The following TXNRD1 variants were observed in gnomAD, a reference collection of about 807,000 sequenced individuals.
TXNRD1 encodes thioredoxin reductase 1, cytoplasmic.
TXNRD1 carries 57 observed loss-of-function variants against 80.3 expected under a neutral mutation model. That is an observed-to-expected ratio of 0.71 (90% CI 0.57 to 0.89). The LOEUF (loss-of-function observed/expected upper bound fraction) is 0.89, where lower values mean the gene tolerates loss of function less well. Ranked by LOEUF, TXNRD1 falls within the 40% of genes least tolerant of loss-of-function variation. The pLI is 0.00. For missense variants in TXNRD1, 730 were observed against 803.0 expected (o/e 0.91, Z 1.10); for synonymous variants, 291 against 285.2 (o/e 1.02, Z -0.20).
At chr12:104,328,329 A>G (rs889162671) in intron 13 of TXNRD1, among the ~76,000 whole-genome samples, 2 of 152,182 alleles carry the variant, frequency 1.3e-5, no homozygotes, top group African/African-American at 4.8e-5. Flanking sequence ...CATTACCAGT[A>G]TAAATAAAAT....
chr12:104,265,176 C>T lies in TXNRD1; in HGVS notation c.304+7097C>T, dbSNP rs1403799269. ...CTGAGGCAGGAGAATCGCTTGAACC[C>T]GGGAGGTGGAGGTTGCAGTGAGCTG... On this transcript the variant is annotated intron_variant, in intron 3 of 16. Coordinates refer to ENST00000525566, the MANE Select transcript of TXNRD1 (RefSeq NM_001093771.3). The T allele has an allele frequency of 7.4e-6, 6 of 807,894 alleles. No homozygotes were observed. In the East Asian group the frequency reaches 1.1e-4, roughly 14 times the overall value. 50.0% of individuals were successfully genotyped at this position (807,894 alleles called of 1,614,324 possible).
chr12:104,302,078 T>C (rs761227855), intron 4 of TXNRD1, among the ~76,000 whole-genome samples: 4 of 152,230 alleles, frequency 2.6e-5, no homozygotes, highest in Non-Finnish European at 5.9e-5. Context: ...GCTTTTGTTT[T>C]TGAGAAGCCA....
chr12:104,256,342 T>C (rs976476387), intron 2 of TXNRD1, among the ~76,000 whole-genome samples: 1 of 152,244 alleles, frequency 6.6e-6, no homozygotes, highest in Admixed American at 6.5e-5. Flanking sequence ...TGCATCTTGC[T>C]GTGAAGAGGT....
chr12:104,334,636 C>T (rs1011332932), intron 15 of TXNRD1, among the ~76,000 whole-genome samples: 4 of 152,202 alleles, frequency 2.6e-5, no homozygotes, highest in Non-Finnish European at 4.4e-5. Context: ...TCCCAAGGTG[C>T]TGGAATGTAC....
chr12:104,239,708 C>A (rs2032819076), intron 1 of TXNRD1, among the ~76,000 whole-genome samples: 1 of 152,108 alleles, frequency 6.6e-6, no homozygotes, highest in Middle Eastern at 3.2e-3. Context: ...GTCTCCAACT[C>A]CTAGCCTCAG....
At chr12:104,345,879 C>T in intron 16 of TXNRD1, 2 of 1,026,528 alleles carry the variant, frequency 1.9e-6, no homozygotes, top group Non-Finnish European at 2.6e-6. Context: ...CCAGCAGCTC[C>T]TGACCCTTGT....
chr12:104,323,344 C>T (rs1250069982), intron 10 of TXNRD1, among the ~76,000 whole-genome samples: 18 of 151,314 alleles, frequency 1.2e-4, no homozygotes, highest in Admixed American at 7.2e-4. Context: ...GGGTGGTGGC[C>T]GGGCAGAGGG....
chr12:104,293,372 G>A (rs989477856), intron 4 of TXNRD1, among the ~76,000 whole-genome samples: 10 of 152,214 alleles, frequency 6.6e-5, no homozygotes, highest in Admixed American at 5.9e-4. Flanking sequence ...ACCAAGCAAT[G>A]CGGGATTAAT....
chr12:104,328,907 G>T (rs2035861272), intron 13 of TXNRD1, among the ~76,000 whole-genome samples: 1 of 152,008 alleles, frequency 6.6e-6, no homozygotes, highest in Admixed American at 6.6e-5. Context: ...GGCCAGAAAA[G>T]AATAAAGACA....
intron 1 of TXNRD1, among the ~76,000 whole-genome samples, chr12:104,242,221 G>GTCC (rs1334771057): frequency 6.6e-6 from 1 of 151,590 alleles, no homozygotes; most frequent in Non-Finnish European, 1.5e-5. Flanking sequence ...TTACAGGCAT[G>GTCC]AGCCACTGTG....
intron 3 of TXNRD1, among the ~76,000 whole-genome samples, chr12:104,279,387 A>C (rs1411882675): frequency 6.6e-6 from 1 of 152,182 alleles, no homozygotes; most frequent in South Asian, 2.1e-4. Context: ...TTCAAACTAG[A>C]TTTGCTCAAT....
chr12:104,258,083 A>G lies in TXNRD1; in HGVS notation c.304+4A>G. 1.9e-6 allele frequency: 3 copies of G among 1,541,448 alleles called. No individual in the cohort carries two copies. Among genetic ancestry groups the G allele is most frequent in the Non-Finnish European group, 2.6e-6 (3 of 1,137,672 alleles). On this transcript the variant is annotated splice_donor_region_variant and intron_variant, in intron 3 of 16. Coordinates refer to ENST00000525566, the MANE Select transcript of TXNRD1 (RefSeq NM_001093771.3). ...GTGCTTGAACTTGATCAAACAGGTA[A>G]GTTTCTGTTTAATATGTAAATCATA...
chr12:104,293,830 C>G (rs1287074147), intron 4 of TXNRD1, among the ~76,000 whole-genome samples: 1 of 152,102 alleles, frequency 6.6e-6, no homozygotes, highest in East Asian at 1.9e-4. Flanking sequence ...TCGGGCTGCA[C>G]TATTATTTAT....
chr12:104,317,231 A>C (rs924601040), intron 7 of TXNRD1, among the ~76,000 whole-genome samples: 2 of 152,196 alleles, frequency 1.3e-5, no homozygotes, highest in Non-Finnish European at 2.9e-5. Context: ...GCAGAGAAAC[A>C]GCAAGTCCTG....
At chr12:104,247,402 G>T (rs948809395) in intron 1 of TXNRD1, among the ~76,000 whole-genome samples, 4 of 152,012 alleles carry the variant, frequency 2.6e-5, no homozygotes, top group African/African-American at 9.7e-5. Context: ...CTGACTGCCT[G>T]GTTCTGTGCT....
chr12:104,337,025 T>C (rs2036162476), intron 15 of TXNRD1, among the ~76,000 whole-genome samples: 2 of 152,068 alleles, frequency 1.3e-5, no homozygotes, highest in South Asian at 4.1e-4. Context: ...TACGTTCTTA[T>C]GTTTGCCACC....
intron 1 of TXNRD1, among the ~76,000 whole-genome samples, chr12:104,222,039 C>T (rs547871505): frequency 6.6e-6 from 1 of 152,134 alleles, no homozygotes; most frequent in East Asian, 1.9e-4. Flanking sequence ...TGTGGCCAGA[C>T]CTGCTTTTTT....
chr12:104,310,484 T>C (rs1006917016), intron 4 of TXNRD1, among the ~76,000 whole-genome samples: 1 of 152,212 alleles, frequency 6.6e-6, no homozygotes, highest in African/African-American at 2.4e-5. Context: ...TTGTGCTTGT[T>C]AACAACTTTC....
At chr12:104,222,480 A>G (rs1176392887) in intron 1 of TXNRD1, among the ~76,000 whole-genome samples, 2 of 152,266 alleles carry the variant, frequency 1.3e-5, no homozygotes, top group Non-Finnish European at 2.9e-5. Context: ...AGGACTAGGG[A>G]CATATAATCA....
Sources: gnomAD v4.1 joint callset for allele counts (sites outside exome capture counted in the v4.1 genomes callset) on GRCh38, gnomAD v4.1.1 for gene constraint, MANE v1.5 for transcripts, NCBI Gene and HGNC (gene_info 2026-07-23, HGNC 2026-07-21) for gene names.